LGR5: variants seen among roughly 807,000 people sequenced by gnomAD.
LGR5 encodes leucine-rich repeat-containing G protein-coupled receptor 5.
LGR5 carries 54 observed loss-of-function variants against 76.7 expected under a neutral mutation model. The ratio of observed to expected loss-of-function variants is 0.70; its 90% CI spans 0.57 to 0.88. LGR5 has a LOEUF of 0.88. Ranked by LOEUF, LGR5 falls within the 40% of genes least tolerant of loss-of-function variation. The probability of loss-of-function intolerance (pLI) is 0.00; values close to 1 mark genes in which losing one functional copy is unlikely to be tolerated. For synonymous variants in LGR5, 406 were observed against 421.9 expected (o/e 0.96, Z 0.46); for missense variants, 1,078 against 1,073.3 (o/e 1.00, Z -0.06).
At position 71,577,964 on chromosome 12, in the gene LGR5, T is replaced by C. The variant is rs150409524; in HGVS notation, c.1248T>C (p.Asn416=). The C allele has an allele frequency of 8.7e-6, 14 of 1,613,680 alleles. No individual in the cohort carries two copies. In the African/African-American group the frequency reaches 1.7e-4, roughly 20 times the overall value. ...AWNKIAIIHP[N]AFSTLPSLIK... ...ACAAAATTGCTATTATTCACCCCAA[T>C]GCATTTTCCACTTTGCCATCCCTAA... Residue 416 remains asparagine, a synonymous_variant, in exon 14 of 18, where the codon AAT becomes AAC. Coordinates refer to ENST00000266674, the MANE Select transcript of LGR5 (RefSeq NM_003667.4).
chr12:71,483,991 G>A (rs1158387944), intron 1 of LGR5, among the ~76,000 whole-genome samples: 1 of 151,996 alleles, frequency 6.6e-6, no homozygotes. Context: ...GGGAAAAGCT[G>A]GTTTGGAGAA....
intron 13 of LGR5, among the ~76,000 whole-genome samples, chr12:71,574,049 C>T (rs905467507): frequency 6.6e-6 from 1 of 151,598 alleles, no homozygotes; most frequent in African/African-American, 2.4e-5. Flanking sequence ...GTCTGGCTGC[C>T]CCAAGTCAGT....
intron 2 of LGR5, among the ~76,000 whole-genome samples, chr12:71,518,255 A>G (rs1010946701): frequency 1.3e-5 from 2 of 152,252 alleles, no homozygotes. Context: ...AAAAAAGCTC[A>G]GCATTACTGA....
chr12:71,537,282 C>T (rs191412480), intron 4 of LGR5, among the ~76,000 whole-genome samples: 24 of 151,104 alleles, frequency 1.6e-4, no homozygotes, highest in Non-Finnish European at 2.7e-4. Flanking sequence ...TAGTGAGACA[C>T]CCCCACTGCC....
chr12:71,539,569 C>A (rs1876772458), intron 4 of LGR5, among the ~76,000 whole-genome samples: 1 of 152,146 alleles, frequency 6.6e-6, no homozygotes, highest in Non-Finnish European at 1.5e-5. Flanking sequence ...CCTCCACCTC[C>A]CAGGTTCAAG....
rs531377941 is a variant in LGR5 at position 71,553,170 on chromosome 12, G to C, written c.526G>C (p.Glu176Gln). ...GTGGCTGGATGACAATGCGTTAACA[G>C]AAATCCCCGTCCAGGCTTTTAGAAG... The part of the protein sequence containing the change: ...HLWLDDNALT[E>Q]IPVQAFRSLS... The change falls in exon 5 of 18, where the codon GAA (glutamate) becomes CAA (glutamine). Residue 176 changes from glutamate (E) to glutamine (Q), a missense_variant. By Grantham distance (29) the Glu-to-Gln change is conservative. Coordinates refer to ENST00000266674, the MANE Select transcript of LGR5 (RefSeq NM_003667.4). The C allele has an allele frequency of 6.2e-7, 1 of 1,614,060 alleles. No individual in the cohort carries two copies. Among genetic ancestry groups the C allele is most frequent in the South Asian group, 1.1e-5 (1 of 91,078 alleles).
At chr12:71,564,646 T>TATATAC (rs1878223377) in intron 8 of LGR5, among the ~76,000 whole-genome samples, 14 of 149,234 alleles carry the variant, frequency 9.4e-5, no homozygotes, top group African/African-American at 3.0e-4. Context: ...ACGCACTGTG[T>TATATAC]ATATATACAT....
In LGR5 at chr12:71,583,877, A is replaced by G. The variant is rs1019112700; in HGVS notation, c.1867A>G (p.Ser623Gly). 6.2e-7 allele frequency: 1 copy of G among 1,613,926 alleles called. No homozygotes were observed. Among genetic ancestry groups the G allele is most frequent in the Non-Finnish European group, 8.5e-7 (1 of 1,180,022 alleles). ...LAGVDAFTFG[S>G]FARHGAWWEN... ...TGGTGTGGATGCGTTCACTTTTGGC[A>G]GCTTTGCACGACATGGTGCCTGGTG... Residue 623 changes from serine (S) to glycine (G), a missense_variant, in exon 18 of 18, where the codon AGC (serine) becomes GGC (glycine). Ser to Gly is a moderately conservative substitution (Grantham distance 56). Coordinates refer to ENST00000266674, the MANE Select transcript of LGR5 (RefSeq NM_003667.4).
intron 8 of LGR5, among the ~76,000 whole-genome samples, chr12:71,563,128 C>T (rs894869450): frequency 6.6e-6 from 1 of 151,990 alleles, no homozygotes; most frequent in Non-Finnish European, 1.5e-5. Context: ...CGGCGCCAAC[C>T]CCAACTCTAT....
Position 71,524,434 on chromosome 12 carries a change from A to C in LGR5, c.313A>C (p.Ile105Leu). 5 of 1,613,398 alleles carry C rather than the reference A, an allele frequency of 3.1e-6. No individual in the cohort carries two copies. Among genetic ancestry groups the C allele is most frequent in the Non-Finnish European group, 4.2e-6 (5 of 1,179,518 alleles). The change falls in exon 3 of 18, where the codon ATT (isoleucine) becomes CTT (leucine). Residue 105 changes from isoleucine to leucine, a missense_variant. By Grantham distance (5) the Ile-to-Leu change is conservative (BLOSUM62 2). Coordinates refer to ENST00000266674, the MANE Select transcript of LGR5 (RefSeq NM_003667.4). ...TCTTGCGGGAAACGCTCTGACATAC[A>C]TTCCCAAGGGAGCATTCACTGGCCT... ...LRLAGNALTY[I>L]PKGAFTGLYS...
At chr12:71,446,762 T>C (rs535583881) in intron 1 of LGR5, among the ~76,000 whole-genome samples, 9 of 152,214 alleles carry the variant, frequency 5.9e-5, no homozygotes, top group Non-Finnish European at 1.3e-4. Context: ...TTCAGGGAAT[T>C]CCAGAGCAAA....
At chr12:71,475,369 T>C (rs1873283212) in intron 1 of LGR5, among the ~76,000 whole-genome samples, 1 of 152,190 alleles carries the variant, frequency 6.6e-6, no homozygotes, top group African/African-American at 2.4e-5. Context: ...ATTTACTAAA[T>C]CCAAAGATGA....
At chr12:71,542,297 GGGGAAGCCT>G (rs1190073551) in intron 4 of LGR5, among the ~76,000 whole-genome samples, 1 of 152,206 alleles carries the variant, frequency 6.6e-6, no homozygotes, top group Non-Finnish European at 1.5e-5. Flanking sequence ...TATATTGGTG[GGGGAAGCCT>G]GGTATATCAA....
chr12:71,441,273 A>G (rs1020601058), intron 1 of LGR5, among the ~76,000 whole-genome samples: 1 of 152,160 alleles, frequency 6.6e-6, no homozygotes, highest in Non-Finnish European at 1.5e-5. Flanking sequence ...CTCGGAGACC[A>G]AGGCGACTAC....
Position 71,578,785 on chromosome 12 carries a change from G to A in LGR5, c.1281-19G>A. On this transcript the variant is annotated intron_variant, in intron 14 of 17. Coordinates refer to ENST00000266674, the MANE Select transcript of LGR5 (RefSeq NM_003667.4). ...TGCTAACATAGACTAAAAGCCAATT[G>A]TTGTTTGATGTTTTGCAGGGACCTA... 1 of 1,583,324 alleles carries A rather than the reference G, an allele frequency of 6.3e-7. No individual in the cohort carries two copies. Among genetic ancestry groups the A allele is most frequent in the South Asian group, 1.2e-5 (1 of 85,120 alleles).
intron 1 of LGR5, among the ~76,000 whole-genome samples, chr12:71,501,812 A>T (rs968017090): frequency 6.6e-6 from 1 of 152,350 alleles, no homozygotes; most frequent in Admixed American, 6.5e-5. Context: ...TTAGAAATTT[A>T]AAAAATTTCG....
intron 11 of LGR5, among the ~76,000 whole-genome samples, chr12:71,567,627 G>A (rs747433215): frequency 1.5e-4 from 23 of 152,214 alleles, no homozygotes; most frequent in Admixed American, 5.9e-4. Flanking sequence ...GCAATTGAGC[G>A]CCTGCAATTT....
In LGR5 at chr12:71,440,141, G is replaced by A. The variant is rs776232102; in HGVS notation, c.61G>A (p.Gly21Arg). The change falls in exon 1 of 18, where the codon GGG (glycine) becomes AGG (arginine). Residue 21 changes from glycine (G) to arginine (R), a missense_variant. Gly to Arg is a moderately radical substitution (Grantham distance 125). Transcript: ENST00000266674. The surrounding 1 kb of genome is among the most constrained non-coding windows in gnomAD (Gnocchi z 5.3). ...GCCTGTGCTGCTGCAGCTGGCGACC[G>A]GGGGCAGCTCTCCCAGGTCTGGTGT... is the stretch of plus-strand genomic sequence containing the variant. ...SLPVLLQLAT[G>R]GSSPRSGVLL... 6 of 1,608,810 alleles carry A rather than the reference G, an allele frequency of 3.7e-6. No homozygotes were observed. Among genetic ancestry groups the A allele is most frequent in the Admixed American group, 3.3e-5 (2 of 59,884 alleles).
intron 1 of LGR5, among the ~76,000 whole-genome samples, chr12:71,495,270 GAA>G (rs1444642324): frequency 2.6e-5 from 4 of 151,340 alleles, no homozygotes; most frequent in Non-Finnish European, 5.9e-5. Flanking sequence ...GTAAAACAAA[GAA>G]ATCAGATTGA....
Sources: gnomAD v4.1 joint callset for allele counts (sites outside exome capture counted in the v4.1 genomes callset) on GRCh38, gnomAD v4.1.1 for gene constraint, Gnocchi (gnomAD v3.1) non-coding constraint, MANE v1.5 for transcripts, NCBI Gene and HGNC (gene_info 2026-07-23, HGNC 2026-07-21) for gene names.